Variants in FASN observed in about 807,000 individuals in gnomAD.
FASN encodes 3-hydroxyacyl-[acyl-carrier-protein] dehydratase.
Under a neutral mutation model 250.0 loss-of-function variants are expected in FASN, and 50 were observed. That is an observed-to-expected ratio of 0.20 (90% CI 0.16 to 0.25). The LOEUF (loss-of-function observed/expected upper bound fraction) is 0.25. FASN is among the 10% of genes least tolerant of loss of function. FASN has a pLI of 1.00. For synonymous variants in FASN, 1,909 were observed against 1,584.0 expected (o/e 1.21, Z -4.87); for missense variants, 3,031 against 3,498.5 (o/e 0.87, Z 3.37).
chr17:82,080,974 C>T (rs1359491745), intron 38 of FASN, 52 bp from the exon 39 acceptor site: 1 of 1,516,310 alleles, frequency 6.6e-7, no homozygotes, highest in Non-Finnish European at 9.0e-7. Context: ...AGCCCTGGCA[C>T]CCACGCAAGG....
In FASN at chr17:82,085,452, C is replaced by CCACCCTGT. The variant is rs1568109662; in HGVS notation, c.4122+22_4122+29dup. On this transcript the variant is annotated intron_variant, in intron 23 of 42. Transcript: ENST00000306749. Reference sequence around the variant, plus strand: ...TGCCCGCCTGGCCCTCACCCGGCCCCCACCCTGTCCCCCTGCCCGGCGGCC... The same window carrying CCACCCTGT: ...TGCCCGCCTGGCCCTCACCCGGCCCCCACCCTGTCACCCTGTCCCCCTGCCCGGCGGCC... The CCACCCTGT allele has an allele frequency of 1.0e-5, 16 of 1,592,932 alleles. No individual in the cohort carries two copies. The South Asian group carries it at 1.5e-4, about 15-fold the overall frequency.
intron 12 of FASN, 53 bp from the exon 13 acceptor site, chr17:82,089,437 C>T: frequency 6.2e-7 from 1 of 1,612,420 alleles, no homozygotes; most frequent in Middle Eastern, 1.6e-4. Flanking sequence ...CCACCTCAGG[C>T]TCGGAGAGGT....
At position 82,079,107 on chromosome 17, in the gene FASN, G is replaced by T. The variant is rs765732840; in HGVS notation, c.*36C>A. On this transcript the variant is annotated 3_prime_UTR_variant, in exon 43 of 43. Coordinates refer to ENST00000306749, the MANE Select transcript of FASN (RefSeq NM_004104.5). Reference sequence around the variant, plus strand: ...GGTGGGGTGGGGTGGGGTGGGGATGGTGGAGTGACCTCCGGTGGCAGGCGG... The same window carrying T: ...GGTGGGGTGGGGTGGGGTGGGGATGTTGGAGTGACCTCCGGTGGCAGGCGG... The T allele has an allele frequency of 2.5e-6, 4 of 1,593,708 alleles. No homozygotes were observed. Among genetic ancestry groups the T allele is most frequent in the Non-Finnish European group, 3.4e-6 (4 of 1,175,298 alleles).
chr17:82,090,369 A>G lies in FASN; in HGVS notation c.1870+6T>C. The G allele has an allele frequency of 3.2e-6, 5 of 1,578,956 alleles. No individual in the cohort carries two copies. The highest frequency in any genetic ancestry group is 4.3e-6 in the Non-Finnish European group (5 of 1,163,794). ...GAGGTGCTGGGGGCCCCTCCGGGAG[A>G]CCTACCCACGGCTGCCATGGCGCCC... is the stretch of plus-strand genomic sequence containing the variant. On this transcript the variant is annotated splice_donor_region_variant and intron_variant, in intron 11 of 42. Coordinates refer to ENST00000306749, the MANE Select transcript of FASN (RefSeq NM_004104.5).
chr17:82,092,265 C>T (rs963479301), intron 8 of FASN, among the ~76,000 whole-genome samples, 190 bp downstream of exon 8: 1 of 152,218 alleles, frequency 6.6e-6, no homozygotes, highest in Non-Finnish European at 1.5e-5. Flanking sequence ...GCGAGCCTGG[C>T]TACGAGCTCT....
chr17:82,090,752 C>T (rs1188230714), intron 10 of FASN, 130 bp downstream of exon 10: 1 of 1,182,452 alleles, frequency 8.5e-7, no homozygotes, highest in Non-Finnish European at 1.2e-6. Flanking sequence ...CCGTCCTGCC[C>T]CCAGCACAAG....
In FASN at chr17:82,079,604, A is replaced by G; in HGVS notation, c.7151T>C (p.Leu2384Pro). The change falls in exon 42 of 43, where the codon CTG becomes CCG. Residue 2384 changes from leucine to proline, a missense_variant. Leu to Pro is a moderately conservative substitution (Grantham distance 98). Transcript: ENST00000306749. ...QFTDMEHNRV[L>P]EALLPLKGLE... The stretch of plus-strand genomic sequence containing the variant: ...GCCCTTCAGCGGCAGCAGCGCCTCC[A>G]GCACCTGTGGGGTCGGGCTCTGAGC... 1 of 1,599,702 alleles carries G rather than the reference A, an allele frequency of 6.3e-7. No homozygotes were observed. Among genetic ancestry groups the G allele is most frequent in the South Asian group, 1.1e-5 (1 of 91,044 alleles).
chr17:82,081,329 T>C lies in FASN; in HGVS notation c.6430A>G (p.Asn2144Asp), dbSNP rs1298547010. Reference sequence around the variant, plus strand: ...AGGTCCGCCAGTGAGCTGTCCAGGTTGACAGCAGCCAAGTCGCGGATGCCT... The same window carrying C: ...AGGTCCGCCAGTGAGCTGTCCAGGTCGACAGCAGCCAAGTCGCGGATGCCT... ...ILGIRDLAAVNLDSSLADLGL... is the reference protein window; with the variant it reads ...ILGIRDLAAVDLDSSLADLGL... Residue 2144 changes from asparagine (N) to aspartate (D), a missense_variant, in exon 38 of 43, where the codon AAC (asparagine) becomes GAC (aspartate). Physicochemically the swap from Asn to Asp is conservative, Grantham distance 23. Coordinates refer to ENST00000306749, the MANE Select transcript of FASN (RefSeq NM_004104.5). The C allele has an allele frequency of 5.8e-6, 9 of 1,558,652 alleles. No homozygotes were observed. The South Asian group carries it at 7.0e-5, about 12-fold the overall frequency.
intron 11 of FASN, 64 bp from the exon 12 acceptor site, chr17:82,089,790 C>T: frequency 1.5e-6 from 2 of 1,359,640 alleles, no homozygotes; most frequent in African/African-American, 1.4e-5. Flanking sequence ...CACCCACCCA[C>T]CCAGACACTG....
rs1329853938 is a variant in FASN at position 82,080,841 on chromosome 17, G to A, written c.6677C>T (p.Pro2226Leu). 3.1e-6 allele frequency: 5 copies of A among 1,611,036 alleles called. No individual in the cohort carries two copies. The highest frequency in any genetic ancestry group is 2.2e-5 in the East Asian group (1 of 44,830). The change falls in exon 39 of 43, where the codon CCG becomes CTG. Residue 2226 changes from proline to leucine, a missense_variant. Transcript: ENST00000306749. ...QLNLRSLLVN[P>L]EGPTLMRLNS... ...GAGCCGCATCAGGGTGGGGCCCTCC[G>A]GGTTCACCAGCAGGGAGCGCAGGTT...
chr17:82,078,392 T>C lies in FASN; in HGVS notation c.*751A>G, dbSNP rs2033928717. 3 of 152,252 alleles carry C rather than the reference T, an allele frequency of 2.0e-5. No individual in the cohort carries two copies. The highest frequency in any genetic ancestry group is 1.3e-4 in the Admixed American group (2 of 15,284). 9.4% of individuals were successfully genotyped at this position (152,252 alleles called of 1,614,324 possible). Reference sequence around the variant, plus strand: ...GGCTGAGAGCAGCATTTTTACCAAATTGGTGTAAAAATGAAACGGGGTCCA... The same window carrying C: ...GGCTGAGAGCAGCATTTTTACCAAACTGGTGTAAAAATGAAACGGGGTCCA... On this transcript the variant is annotated 3_prime_UTR_variant, in exon 43 of 43. Coordinates refer to ENST00000306749, the MANE Select transcript of FASN (RefSeq NM_004104.5). This position sits in a 1 kb window ranked among gnomAD's most constrained non-coding sequence, Gnocchi z 5.4.
rs2034131174 is a variant in FASN at position 82,087,754 on chromosome 17, T to G, written c.2974A>C (p.Lys992Gln). The G allele has an allele frequency of 5.0e-6, 8 of 1,612,350 alleles. No homozygotes were observed. The highest frequency in any genetic ancestry group is 1.3e-5 in the African/African-American group (1 of 74,880). The change falls in exon 19 of 43, where the codon AAG becomes CAG. Residue 992 changes from lysine (K) to glutamine (Q), a missense_variant. Physicochemically the swap from Lys to Gln is moderately conservative, Grantham distance 53. Coordinates refer to ENST00000306749, the MANE Select transcript of FASN (RefSeq NM_004104.5). Reference sequence around the variant, plus strand: ...TCGTAGCCACGCAGACGCAGCTCCTTGTAAACTTCAGCCTGGGCCAGGAAG... The same window carrying G: ...TCGTAGCCACGCAGACGCAGCTCCTGGTAAACTTCAGCCTGGGCCAGGAAG... ...PLFLAQAEVY[K>Q]ELRLRGYDYG... is the part of the protein sequence containing the mutation.
chr17:82,098,079 G>T, intron 1 of FASN, 42 bp downstream of exon 1: 1 of 329,184 alleles, frequency 3.0e-6, no homozygotes, highest in South Asian at 1.5e-4. Flanking sequence ...GCCCAGCCCC[G>T]ACCACGACCC....
rs1411409471 is a variant in FASN, at chr17:82,087,866, G to A, written c.2867-5C>T. ...CATCCCACTGGTACACCTTCCCTGT[G>A]GAAAGGGAGGTGCGGAAGGGCCTGA... On this transcript the variant is annotated splice_polypyrimidine_tract_variant and splice_region_variant and intron_variant, in intron 18 of 42. Coordinates refer to ENST00000306749, the MANE Select transcript of FASN (RefSeq NM_004104.5). 1.9e-6 allele frequency: 3 copies of A among 1,612,490 alleles called. No individual in the cohort carries two copies. The highest frequency in any genetic ancestry group is 1.7e-5 in the Admixed American group (1 of 60,000).
intron 2 of FASN, 128 bp from the exon 3 acceptor site, chr17:82,095,600 A>C: frequency 8.5e-7 from 1 of 1,175,412 alleles, no homozygotes; most frequent in South Asian, 1.3e-5. Flanking sequence ...TGGGAGGCCC[A>C]AACAATGGAG....
intron 41 of FASN, 75 bp from the exon 42 acceptor site, chr17:82,079,683 G>C (rs1227553869): frequency 2.0e-6 from 3 of 1,518,264 alleles, no homozygotes; most frequent in Non-Finnish European, 2.6e-6. Flanking sequence ...CTGCGGGTGG[G>C]CTTTTTTTTT....
chr17:82,084,030 G>C lies in FASN; in HGVS notation c.5043C>G (p.Gly1681=). ...LLIHSGSGGV[G]QAAIAIALSL... is the part of the protein sequence containing the mutation. ...TGAGGGCGATGGCGATGGCGGCCTG[G>C]CCCACGCCGCCCGAGCCCGAGTGGA... Residue 1681 remains glycine, a synonymous_variant, in exon 29 of 43, where the codon GGC becomes GGG. Transcript: ENST00000306749. The C allele has an allele frequency of 1.3e-6, 2 of 1,540,526 alleles. No homozygotes were observed. The highest frequency in any genetic ancestry group is 1.7e-6 in the Non-Finnish European group (2 of 1,145,662).
chr17:82,095,003 C>T (rs372119705), intron 3 of FASN, among the ~76,000 whole-genome samples: 2 of 151,778 alleles, frequency 1.3e-5, no homozygotes, highest in Non-Finnish European at 1.5e-5. Flanking sequence ...GCCTGGAGGG[C>T]CCCTCAAGAA....
rs1173251414 is a variant in FASN, at chr17:82,081,853, A to AG, written c.6164-11dup. The AG allele has an allele frequency of 2.0e-6, 3 of 1,523,658 alleles. No homozygotes were observed. The highest frequency in any genetic ancestry group is 2.6e-6 in the Non-Finnish European group (3 of 1,136,480). 94.4% of individuals were successfully genotyped at this position (1,523,658 alleles called of 1,614,324 possible). On this transcript the variant is annotated splice_polypyrimidine_tract_variant and intron_variant, in intron 36 of 42. Coordinates refer to ENST00000306749, the MANE Select transcript of FASN (RefSeq NM_004104.5). ...CACTGCACGGCCAGGCCTGTGGGGGAGGGGGCAGGTGGGCAGAGCTGCGGG... is the reference window on the plus strand; with the variant it reads ...CACTGCACGGCCAGGCCTGTGGGGGAGGGGGGCAGGTGGGCAGAGCTGCGGG...
Sources: allele counts gnomAD v4.1 joint callset (sites outside exome capture counted in the v4.1 genomes callset), GRCh38; gene constraint gnomAD v4.1.1; non-coding constraint Gnocchi (gnomAD v3.1); transcripts MANE v1.5; gene names NCBI Gene and HGNC (gene_info 2026-07-23, HGNC 2026-07-21).